The following RCOR2 variants were observed in gnomAD, a reference collection of about 807,000 sequenced individuals.
RCOR2 encodes REST corepressor 2.
Under a neutral mutation model 58.9 loss-of-function variants are expected in RCOR2, and 19 were observed. The observed-to-expected ratio is 0.32, with a 90% CI of 0.23 to 0.47. The LOEUF (loss-of-function observed/expected upper bound fraction) is 0.47, where lower values mean the gene tolerates loss of function less well. Among genes scored for constraint, RCOR2 ranks in the 20% least tolerant of loss-of-function variants. The pLI is 1.00. For synonymous variants in RCOR2, 286 were observed against 278.7 expected (o/e 1.03, Z -0.26); for missense variants, 590 against 707.9 (o/e 0.83, Z 1.89).
chr11:63,914,579 G>A, intron 5 of RCOR2, 38 bp from the exon 6 acceptor site: 1 of 1,612,608 alleles, frequency 6.2e-7, no homozygotes, highest in Non-Finnish European at 8.5e-7. Flanking sequence ...GACCACTCAA[G>A]ACTCTGGGCC....
chr11:63,918,716 G>A (rs375079627), upstream of RCOR2, among the ~76,000 whole-genome samples: 39 of 152,226 alleles, frequency 2.6e-4, no homozygotes, highest in East Asian at 7.1e-3. Flanking sequence ...GTCCCCTCCT[G>A]CCTGGCAGGC....
At chr11:63,916,264 C>T (rs894178941) in intron 1 of RCOR2, 66 bp downstream of exon 1, 1 of 1,380,394 alleles carries the variant, frequency 7.2e-7, no homozygotes, top group South Asian at 1.3e-5. Context: ...TGCAACTCTT[C>T]CCCCTCCCGC....
rs1241275611 is a variant in RCOR2 at position 63,915,396 on chromosome 11, C to T, written c.185-138G>A. The T allele has an allele frequency of 2.0e-5, 22 of 1,098,816 alleles. No individual in the cohort carries two copies. In the Admixed American group the frequency reaches 2.2e-4, roughly 11 times the overall value. The allele number at this position is 1,098,816 out of a possible 1,614,324, so 68.1% of individuals were successfully genotyped here. ...AGGGAAGGAGGGGCAGAGACCCAGACAGGAAGGCAGGGCAGGAAAGCAAAC... is the reference window on the plus strand; with the variant it reads ...AGGGAAGGAGGGGCAGAGACCCAGATAGGAAGGCAGGGCAGGAAAGCAAAC... On this transcript the variant is annotated intron_variant, in intron 2 of 11. Transcript: ENST00000301459.
the RCOR2 span, among the ~76,000 whole-genome samples, chr11:63,926,197 C>T: frequency 6.6e-6 from 1 of 151,958 alleles, no homozygotes; most frequent in African/African-American, 2.4e-5. Context: ...AGGCGTGAGC[C>T]ACCACACCTG....
Position 63,912,403 on chromosome 11 carries a change from C to G in RCOR2, c.1159G>C (p.Glu387Gln). The part of the protein sequence containing the change: ...FNLEEVLQEW[E>Q]AEQDGAPGAP... ...CCAGGGGCCCCATCCTGCTCAGCCTCCCATTCCTGCAGCACCTCCTCCAGA... is the reference window on the plus strand; with the variant it reads ...CCAGGGGCCCCATCCTGCTCAGCCTGCCATTCCTGCAGCACCTCCTCCAGA... Residue 387 changes from glutamate (E) to glutamine (Q), a missense_variant, in exon 11 of 12, where the codon GAG becomes CAG. By Grantham distance (29) the Glu-to-Gln change is conservative (BLOSUM62 2). This residue lies in a region of RCOR2 where 196 missense variants were observed against 210.7 expected (regional missense o/e 0.93). Coordinates refer to ENST00000301459, the MANE Select transcript of RCOR2 (RefSeq NM_173587.4). The G allele has an allele frequency of 6.2e-7, 1 of 1,613,856 alleles. No homozygotes were observed. Among genetic ancestry groups the G allele is most frequent in the Non-Finnish European group, 8.5e-7 (1 of 1,179,948 alleles).
chr11:63,915,526 C>T (rs1427416589), intron 2 of RCOR2, 29 bp downstream of exon 2: 1 of 1,550,078 alleles, frequency 6.5e-7, no homozygotes, highest in Non-Finnish European at 8.7e-7. Context: ...CCACCCCCAC[C>T]CCACTTCACA....
In RCOR2 at chr11:63,916,659, G is replaced by A. The variant is rs1941862639; in HGVS notation, c.-203C>T. ...CGCTCTCCACGACCCCCACGAGCCA[G>A]GGCGTCAGAAAAGTTTGTGCAGAAG... On this transcript the variant is annotated 5_prime_UTR_variant, in exon 1 of 12. Transcript: ENST00000301459. 2.3e-6 allele frequency: 2 copies of A among 866,064 alleles called. No homozygotes were observed. The highest frequency in any genetic ancestry group is 1.7e-6 in the Non-Finnish European group (1 of 589,140). The allele number at this position is 866,064 out of a possible 1,614,324, so 53.6% of individuals were successfully genotyped here.
chr11:63,926,722 G>T, the RCOR2 span, among the ~76,000 whole-genome samples: 2 of 150,972 alleles, frequency 1.3e-5, no homozygotes, highest in Admixed American at 1.3e-4. Flanking sequence ...CTGACCTCAC[G>T]ATCCACCCAC....
In RCOR2 at chr11:63,911,796, C is replaced by T; in HGVS notation, c.*69G>A. On this transcript the variant is annotated 3_prime_UTR_variant, in exon 12 of 12. Coordinates refer to ENST00000301459, the MANE Select transcript of RCOR2 (RefSeq NM_173587.4). ...CCCTAGTCCCTTCTGTCCTCAGTGA[C>T]ACCAGAGATGCCTGGGGATGGCCAG... 6.8e-7 allele frequency: 1 copy of T among 1,467,744 alleles called. No individual in the cohort carries two copies. Among genetic ancestry groups the T allele is most frequent in the African/African-American group, 1.5e-5 (1 of 67,856 alleles). 90.9% of individuals were successfully genotyped at this position (1,467,744 alleles called of 1,614,324 possible).
upstream of RCOR2, among the ~76,000 whole-genome samples, chr11:63,921,463 C>T (rs1455939252): frequency 1.3e-5 from 2 of 152,182 alleles, no homozygotes; most frequent in South Asian, 4.1e-4. Context: ...CCAGAACCAC[C>T]CATCACCCTC....
At chr11:63,927,715 C>G in the RCOR2 span, among the ~76,000 whole-genome samples, 2 of 152,090 alleles carry the variant, frequency 1.3e-5, no homozygotes, top group Non-Finnish European at 2.9e-5. Flanking sequence ...CTCAGGTGTC[C>G]CAAGCACCAC....
chr11:63,917,792 G>A (rs1016376986), upstream of RCOR2, among the ~76,000 whole-genome samples: 3 of 152,264 alleles, frequency 2.0e-5, no homozygotes, highest in Admixed American at 6.5e-5. Flanking sequence ...GGGAGTGGGA[G>A]GTGTAGGGGA....
Position 63,915,639 on chromosome 11 carries a change from ACTC to A in RCOR2, c.128-31_128-29del, listed in dbSNP as rs747798336. On this transcript the variant is annotated intron_variant, in intron 1 of 11. Coordinates refer to ENST00000301459, the MANE Select transcript of RCOR2 (RefSeq NM_173587.4). ...GTGGAGCCAGGGGGAGGCAGTCAGG[ACTC>A]CAGGGAGGGCGGGCGGGAGGGAGGA... is the stretch of plus-strand genomic sequence containing the variant. 3 of 244,606 alleles carry A rather than the reference ACTC, an allele frequency of 1.2e-5. No homozygotes were observed. In the African/African-American group the frequency reaches 1.7e-4, roughly 14 times the overall value. 15.2% of individuals were successfully genotyped at this position (244,606 alleles called of 1,614,324 possible).
intron 1 of RCOR2, 27 bp downstream of exon 1, chr11:63,916,303 C>T: frequency 6.3e-7 from 1 of 1,585,228 alleles, no homozygotes; most frequent in Non-Finnish European, 8.6e-7. Flanking sequence ...GGCCGGCGCG[C>T]CTTTAACCCT....
chr11:63,915,397 A>G (rs3802941), intron 2 of RCOR2, 139 bp from the exon 3 acceptor site: 586,370 of 1,066,558 alleles, frequency 0.55, 169,152 homozygotes, highest in East Asian at 0.88. Flanking sequence ...AGACCCAGAC[A>G]GGAAGGCAGG....
chr11:63,924,018 C>T, the RCOR2 span, among the ~76,000 whole-genome samples: 1 of 152,128 alleles, frequency 6.6e-6, no homozygotes, highest in East Asian at 1.9e-4. Context: ...AAGCGATTCT[C>T]CTGCCTCAGC....
At position 63,911,788 on chromosome 11, in the gene RCOR2, C is replaced by T; in HGVS notation, c.*77G>A. The T allele has an allele frequency of 6.8e-7, 1 of 1,460,632 alleles. No individual in the cohort carries two copies. The allele number at this position is 1,460,632 out of a possible 1,614,324, so 90.5% of individuals were successfully genotyped here. ...CGCCAGAGCCCTAGTCCCTTCTGTC[C>T]TCAGTGACACCAGAGATGCCTGGGG... On this transcript the variant is annotated 3_prime_UTR_variant, in exon 12 of 12. Transcript: ENST00000301459.
chr11:63,923,140 G>A, the RCOR2 span, among the ~76,000 whole-genome samples: 2 of 151,638 alleles, frequency 1.3e-5, no homozygotes, highest in Admixed American at 6.6e-5. Flanking sequence ...CCCCTTCAAG[G>A]CCAACCTCAC....
At chr11:63,924,884 C>T in the RCOR2 span, among the ~76,000 whole-genome samples, 1 of 138,938 alleles carries the variant, frequency 7.2e-6, no homozygotes. Context: ...GAGTTTCGCT[C>T]TTGTTGCCCA....
Sources: gnomAD v4.1 joint callset for allele counts (sites outside exome capture counted in the v4.1 genomes callset) on GRCh38, gnomAD v4.1.1 for gene constraint, gnomAD v4.1.1 regional missense constraint, MANE v1.5 for transcripts, NCBI Gene and HGNC (gene_info 2026-07-23, HGNC 2026-07-21) for gene names.